Variants in INPP4B observed in about 807,000 individuals in gnomAD.
The protein encoded by INPP4B is inositol polyphosphate-4-phosphatase type II B.
INPP4B carries 55 observed loss-of-function variants against 122.5 expected under a neutral mutation model. That is an observed-to-expected ratio of 0.45 (90% CI 0.36 to 0.56). The LOEUF is 0.56. INPP4B is among the 20% of genes least tolerant of loss of function. The pLI, the probability that INPP4B is intolerant of heterozygous loss-of-function variation, is 0.00. For missense variants in INPP4B, 1,000 were observed against 1,097.7 expected (o/e 0.91, Z 1.26); for synonymous variants, 403 against 388.7 (o/e 1.04, Z -0.43).
intron 2 of INPP4B, among the ~76,000 whole-genome samples, chr4:142,510,653 T>C (rs1386766420): frequency 1.3e-5 from 2 of 152,220 alleles, no homozygotes; most frequent in Non-Finnish European, 1.5e-5. Flanking sequence ...TATTGAGTAA[T>C]AGACCTTAAA....
chr4:142,394,903 T>C (rs917993344), intron 7 of INPP4B, among the ~76,000 whole-genome samples: 4 of 152,196 alleles, frequency 2.6e-5, no homozygotes, highest in Non-Finnish European at 4.4e-5. Flanking sequence ...ACAGAACTTT[T>C]CCCCCACATT....
chr4:142,038,468 T>C (rs571346335), intron 25 of INPP4B, among the ~76,000 whole-genome samples: 1 of 152,320 alleles, frequency 6.6e-6, no homozygotes, highest in African/African-American at 2.4e-5. Context: ...ACAAGTTTGC[T>C]ACAAAAGAAA....
At chr4:142,339,829 T>C (rs1004554390) in intron 7 of INPP4B, among the ~76,000 whole-genome samples, 1 of 152,202 alleles carries the variant, frequency 6.6e-6, no homozygotes, top group Non-Finnish European at 1.5e-5. Flanking sequence ...CCTCATTGTA[T>C]AGATCTCTTA....
intron 1 of INPP4B, among the ~76,000 whole-genome samples, chr4:142,794,538 G>A (rs1776977204): frequency 1.3e-5 from 2 of 151,782 alleles, no homozygotes; most frequent in Non-Finnish European, 2.9e-5. Flanking sequence ...AAAAAAACAA[G>A]AGAACATAAT....
At chr4:142,650,844 T>A (rs965801517) in intron 2 of INPP4B, among the ~76,000 whole-genome samples, 4 of 152,176 alleles carry the variant, frequency 2.6e-5, no homozygotes, top group Non-Finnish European at 5.9e-5. Flanking sequence ...TATCCAGGAC[T>A]TGAACACAGC....
At chr4:142,298,500 G>A (rs1423344370) in intron 9 of INPP4B, among the ~76,000 whole-genome samples, 1 of 151,590 alleles carries the variant, frequency 6.6e-6, no homozygotes, top group Admixed American at 6.6e-5. Context: ...GCCTGGCCAA[G>A]ATGGTGAAAC....
At chr4:142,448,100 T>A (rs1051237289) in intron 3 of INPP4B, among the ~76,000 whole-genome samples, 1 of 151,676 alleles carries the variant, frequency 6.6e-6, no homozygotes, top group Non-Finnish European at 1.5e-5. Context: ...GTGCCTGCAG[T>A]GTAGGTGGTA....
intron 17 of INPP4B, 144 bp downstream of exon 17, chr4:142,160,214 A>G: frequency 2.0e-6 from 1 of 511,910 alleles, no homozygotes; most frequent in Non-Finnish European, 3.2e-6. Flanking sequence ...AATTGCCCCT[A>G]AGGAAAAATG....
chr4:142,333,011 AAAAAAAAAAAAAAAAAC>A (rs1188388148), intron 7 of INPP4B, among the ~76,000 whole-genome samples: 1 of 109,930 alleles, frequency 9.1e-6, no homozygotes, highest in Admixed American at 8.9e-5. Context: ...ACTCCGTCTC[AAAAAAAAAAAAAAAAAC>A]AAAAAAAAAA....
chr4:142,417,522 G>T (rs1806022030), intron 5 of INPP4B, among the ~76,000 whole-genome samples: 1 of 152,066 alleles, frequency 6.6e-6, no homozygotes, highest in South Asian at 2.1e-4. Flanking sequence ...TCCTAACAAT[G>T]TATTAGTAAT....
At chr4:142,734,772 A>G (rs1196422395) in intron 1 of INPP4B, among the ~76,000 whole-genome samples, 3 of 152,098 alleles carry the variant, frequency 2.0e-5, no homozygotes, top group African/African-American at 7.2e-5. Flanking sequence ...TAGCCTCCCA[A>G]GTAGCTGGGA....
intron 7 of INPP4B, among the ~76,000 whole-genome samples, chr4:142,335,631 A>C (rs762542124): frequency 6.6e-6 from 1 of 152,246 alleles, no homozygotes; most frequent in South Asian, 2.1e-4. Context: ...AAATTTAAAA[A>C]CAGTGACACT....
intron 2 of INPP4B, among the ~76,000 whole-genome samples, chr4:142,571,389 T>C (rs962660317): frequency 6.6e-6 from 1 of 152,136 alleles, no homozygotes; most frequent in Admixed American, 6.6e-5. Flanking sequence ...AATTAACCTA[T>C]CCATTAACTT....
chr4:142,731,228 AAAG>A (rs543964563), intron 1 of INPP4B, among the ~76,000 whole-genome samples: 2 of 152,182 alleles, frequency 1.3e-5, no homozygotes, highest in African/African-American at 4.8e-5. Flanking sequence ...GTCAGATGGA[AAAG>A]AAGCAGAAAA....
intron 18 of INPP4B, among the ~76,000 whole-genome samples, chr4:142,141,954 C>A (rs1423023955): frequency 6.6e-6 from 1 of 151,904 alleles, no homozygotes; most frequent in East Asian, 1.9e-4. Context: ...ATAATCAAAA[C>A]CCTATGAAAT....
In INPP4B at chr4:142,317,529, C is replaced by T. The variant is rs141669662; in HGVS notation, c.373-2767G>A. On this transcript the variant is annotated intron_variant, in intron 7 of 25. Coordinates refer to ENST00000262992, the MANE Select transcript of INPP4B (RefSeq NM_001101669.3). ...AGATGGTGTTGTCCTGGTTGTCCCT[C>T]CACTGAAAGTTGGCTGACACAAAGA... is the stretch of plus-strand genomic sequence containing the variant. 9 of 236,424 alleles carry T rather than the reference C, an allele frequency of 3.8e-5. No homozygotes were observed. The East Asian group carries it at 9.8e-4, about 26-fold the overall frequency. 14.6% of individuals were successfully genotyped at this position (236,424 alleles called of 1,614,324 possible).
chr4:142,148,420 C>A (rs931178580), intron 17 of INPP4B, among the ~76,000 whole-genome samples: 1 of 152,050 alleles, frequency 6.6e-6, no homozygotes, highest in Non-Finnish European at 1.5e-5. Context: ...TACTATGTTG[C>A]CCAGGCTGAT....
chr4:142,204,295 G>C (rs1016744088), intron 14 of INPP4B, among the ~76,000 whole-genome samples: 2 of 152,016 alleles, frequency 1.3e-5, no homozygotes, highest in Non-Finnish European at 1.5e-5. Flanking sequence ...TTAGCATGCT[G>C]TTATATATGC....
chr4:142,689,537 A>G (rs1179664349), intron 2 of INPP4B, among the ~76,000 whole-genome samples: 1 of 152,198 alleles, frequency 6.6e-6, no homozygotes, highest in African/African-American at 2.4e-5. Flanking sequence ...TAAACCAAGA[A>G]GTTATGATTC....
Sources: gnomAD v4.1 joint callset for allele counts (sites outside exome capture counted in the v4.1 genomes callset) on GRCh38, gnomAD v4.1.1 for gene constraint, MANE v1.5 for transcripts, NCBI Gene and HGNC (gene_info 2026-07-23, HGNC 2026-07-21) for gene names.